Variants in GALNTL6 observed in about 807,000 individuals in gnomAD.
The protein encoded by GALNTL6 is polypeptide N-acetylgalactosaminyltransferase like 6.
In GALNTL6, 46 loss-of-function variants were observed where a neutral mutation model predicts 73.7. The observed-to-expected ratio is 0.62, with a 90% CI of 0.49 to 0.80. The LOEUF (loss-of-function observed/expected upper bound fraction) is 0.80. Among genes scored for constraint, GALNTL6 ranks in the 30% least tolerant of loss-of-function variants. The pLI is 0.00. For synonymous variants in GALNTL6, 259 were observed against 263.7 expected, an observed-to-expected ratio of 0.98 and a Z score of 0.17; for missense variants, 604 against 755.0, an observed-to-expected ratio of 0.80 and a Z score of 2.34.
intron 2 of GALNTL6, among the ~76,000 whole-genome samples, chr4:172,183,543 G>A (rs1579225896): frequency 1.3e-5 from 2 of 152,280 alleles, no homozygotes; most frequent in Middle Eastern, 3.4e-3. Flanking sequence ...CAAGGACTTA[G>A]ACCATTTCAA....
At chr4:172,248,885 G>A (rs1737752088) in intron 3 of GALNTL6, among the ~76,000 whole-genome samples, 1 of 152,130 alleles carries the variant, frequency 6.6e-6, no homozygotes, top group East Asian at 1.9e-4. Flanking sequence ...CTACCCCTGT[G>A]GAACTGTGAG....
At position 172,078,678 on chromosome 4, in the gene GALNTL6, A is replaced by G. The variant is rs192184298; in HGVS notation, c.139-150978A>G. ...CCTGATATGTAGAACTAGTATTTTA[A>G]TATGGCGCTGTCTTGGAATAGTAAA... On this transcript the variant is annotated intron_variant, in intron 2 of 12. Transcript: ENST00000506823. 2.6e-3 allele frequency among the ~76,000 whole-genome samples: 401 copies of G among 152,276 alleles called. 3 individuals carry two copies. The highest frequency in any genetic ancestry group is 9.1e-3 in the African/African-American group (378 of 41,560).
intron 5 of GALNTL6, among the ~76,000 whole-genome samples, chr4:172,449,367 A>G (rs561232143): frequency 6.6e-6 from 1 of 152,338 alleles, no homozygotes; most frequent in African/African-American, 2.4e-5. Flanking sequence ...ACATTTTCAA[A>G]GAAAATTCCC....
intron 2 of GALNTL6, among the ~76,000 whole-genome samples, chr4:172,141,143 G>C (rs1733787901): frequency 6.6e-6 from 1 of 151,998 alleles, no homozygotes; most frequent in African/African-American, 2.4e-5. Flanking sequence ...TTACAGCTGA[G>C]ACAAGGTATG....
At chr4:172,829,176 C>T (rs1742481197) in intron 7 of GALNTL6, among the ~76,000 whole-genome samples, 1 of 152,200 alleles carries the variant, frequency 6.6e-6, no homozygotes, top group Non-Finnish European at 1.5e-5. Context: ...CGCCATCCAC[C>T]TACATGCACT....
intron 5 of GALNTL6, among the ~76,000 whole-genome samples, chr4:172,448,585 C>T (rs1299290122): frequency 2.0e-5 from 3 of 152,220 alleles, no homozygotes; most frequent in African/African-American, 7.2e-5. Flanking sequence ...CCAACATCCA[C>T]ACAGTCTACT....
At chr4:172,261,231 T>C (rs1374923789) in intron 3 of GALNTL6, among the ~76,000 whole-genome samples, 1 of 151,482 alleles carries the variant, frequency 6.6e-6, no homozygotes, top group African/African-American at 2.4e-5. Context: ...ATCAATCTGG[T>C]CCTGGTTTTT....
chr4:172,371,417 G>T (rs1401053232), intron 5 of GALNTL6, among the ~76,000 whole-genome samples: 1 of 152,240 alleles, frequency 6.6e-6, no homozygotes, highest in East Asian at 1.9e-4. Flanking sequence ...AGGTGGTATT[G>T]TAGTGTTACA....
intron 5 of GALNTL6, among the ~76,000 whole-genome samples, chr4:172,372,287 A>T (rs1410714898): frequency 6.6e-6 from 1 of 152,122 alleles, no homozygotes; most frequent in Non-Finnish European, 1.5e-5. Flanking sequence ...TCTGGGAGAA[A>T]AGTGGCAGGG....
intron 8 of GALNTL6, among the ~76,000 whole-genome samples, chr4:172,921,438 A>ATC (rs1747784370): frequency 6.6e-6 from 1 of 152,182 alleles, no homozygotes; most frequent in East Asian, 1.9e-4. Context: ...GATATAGAAA[A>ATC]TTGTTTTAAA....
chr4:172,885,624 T>C lies in GALNTL6; in HGVS notation c.1041+2717T>C, dbSNP rs894535581. 4.6e-5 allele frequency among the ~76,000 whole-genome samples: 7 copies of C among 152,218 alleles called. No homozygotes were observed. In the East Asian group the frequency reaches 1.3e-3, roughly 29 times the overall value. ...TAAAAGTGATGAAAGTGAGCATCCTTGTCTTCTTCTAAATCTTAGTGGAAA... is the reference window on the plus strand; with the variant it reads ...TAAAAGTGATGAAAGTGAGCATCCTCGTCTTCTTCTAAATCTTAGTGGAAA... On this transcript the variant is annotated intron_variant, in intron 8 of 12. Coordinates refer to ENST00000506823, the MANE Select transcript of GALNTL6 (RefSeq NM_001034845.3).
chr4:172,784,349 A>G (rs1739536155), intron 5 of GALNTL6, among the ~76,000 whole-genome samples: 1 of 152,190 alleles, frequency 6.6e-6, no homozygotes, highest in Non-Finnish European at 1.5e-5. Flanking sequence ...CAAAACAATA[A>G]TAATTGATAT....
At chr4:172,854,865 C>A (rs902637128) in intron 7 of GALNTL6, among the ~76,000 whole-genome samples, 5 of 152,108 alleles carry the variant, frequency 3.3e-5, no homozygotes, top group African/African-American at 1.2e-4. Flanking sequence ...TCATGTTTTT[C>A]TTTTGTACCT....
intron 5 of GALNTL6, among the ~76,000 whole-genome samples, chr4:172,367,440 C>T (rs1166961658): frequency 6.6e-6 from 1 of 151,918 alleles, no homozygotes; most frequent in Non-Finnish European, 1.5e-5. Context: ...ATAATGAATG[C>T]CTTCATAAGG....
intron 2 of GALNTL6, among the ~76,000 whole-genome samples, chr4:171,848,935 T>A (rs58930713): frequency 0.035 from 5,323 of 152,168 alleles, 270 homozygotes; most frequent in East Asian, 0.11. Context: ...CTTTTTTTTT[T>A]AATTTGAATA....
intron 5 of GALNTL6, among the ~76,000 whole-genome samples, chr4:172,393,903 GTCAC>G (rs1398612629): frequency 6.6e-6 from 1 of 152,054 alleles, no homozygotes; most frequent in Non-Finnish European, 1.5e-5. Flanking sequence ...TTTTAATTCA[GTCAC>G]TCACATTGTA....
At chr4:173,027,064 A>G (rs1561094750) in intron 12 of GALNTL6, among the ~76,000 whole-genome samples, 2 of 152,100 alleles carry the variant, frequency 1.3e-5, no homozygotes, top group African/African-American at 2.4e-5. Context: ...CTTGGCTCCC[A>G]GCAATCTCCA....
chr4:172,642,539 T>A (rs1207079200), intron 5 of GALNTL6, among the ~76,000 whole-genome samples: 1 of 151,792 alleles, frequency 6.6e-6, no homozygotes, highest in South Asian at 2.1e-4. Flanking sequence ...TTTATAGAAG[T>A]AAAAAATAGA....
At chr4:172,531,132 T>C (rs1191698106) in intron 5 of GALNTL6, among the ~76,000 whole-genome samples, 1 of 152,184 alleles carries the variant, frequency 6.6e-6, no homozygotes, top group African/African-American at 2.4e-5. Flanking sequence ...TGATAGGTTT[T>C]TAGAAAGTCC....
Sources: allele counts gnomAD v4.1 joint callset (sites outside exome capture counted in the v4.1 genomes callset), GRCh38; gene constraint gnomAD v4.1.1; transcripts MANE v1.5; gene names NCBI Gene and HGNC (gene_info 2026-07-23, HGNC 2026-07-21).